Variants in SMOC1 observed in about 807,000 individuals in gnomAD.
SMOC1 encodes SPARC related modular calcium binding 1.
In SMOC1, 22 loss-of-function variants were observed where a neutral mutation model predicts 56.3. The ratio of observed to expected loss-of-function variants is 0.39; its 90% confidence interval spans 0.28 to 0.56. The LOEUF (loss-of-function observed/expected upper bound fraction) is 0.56, where lower values mean the gene tolerates loss of function less well. SMOC1 is among the 20% of genes least tolerant of loss of function. The probability of loss-of-function intolerance (pLI) is 0.61; values close to 1 mark genes in which losing one functional copy is unlikely to be tolerated. For missense variants in SMOC1, 509 were observed against 565.4 expected, an observed-to-expected ratio of 0.90 and a Z score of 1.01; for synonymous variants, 193 against 215.0, an observed-to-expected ratio of 0.90 and a Z score of 0.89.
chr14:69,980,299 C>T (rs548134760), intron 5 of SMOC1, among the ~76,000 whole-genome samples: 27 of 152,326 alleles, frequency 1.8e-4, no homozygotes, highest in African/African-American at 6.5e-4. Context: ...CAGCTCTTTA[C>T]TCCCTTGCCC....
chr14:70,006,186 T>A (rs1188484197), intron 7 of SMOC1, among the ~76,000 whole-genome samples: 1 of 152,214 alleles, frequency 6.6e-6, no homozygotes, highest in Non-Finnish European at 1.5e-5. Context: ...CCTAGTTCTG[T>A]GATCTTGATC....
chr14:69,957,420 C>T (rs763713405), intron 3 of SMOC1, among the ~76,000 whole-genome samples: 10 of 152,086 alleles, frequency 6.6e-5, no homozygotes, highest in Non-Finnish European at 1.0e-4. Context: ...ACTTGAGGTC[C>T]CTAAGCTTAA....
At chr14:69,971,691 C>T (rs547002227) in intron 3 of SMOC1, among the ~76,000 whole-genome samples, 8 of 152,260 alleles carry the variant, frequency 5.3e-5, no homozygotes, top group Admixed American at 3.3e-4. Flanking sequence ...GGAAGCTAAG[C>T]CAGGTAGAGT....
intron 1 of SMOC1, among the ~76,000 whole-genome samples, chr14:69,880,163 T>C (rs2139276642): frequency 6.7e-6 from 1 of 148,308 alleles, no homozygotes; most frequent in Admixed American, 6.6e-5. Context: ...GCTGGAGTTG[T>C]TGGCAGGCGG....
At chr14:69,922,411 G>T (rs1224564863) in intron 1 of SMOC1, among the ~76,000 whole-genome samples, 1 of 152,188 alleles carries the variant, frequency 6.6e-6, no homozygotes, top group Non-Finnish European at 1.5e-5. Context: ...AAGTGTTGGA[G>T]TGTGGCCCAA....
chr14:69,992,971 G>T (rs1197181739), intron 6 of SMOC1, among the ~76,000 whole-genome samples: 1 of 152,226 alleles, frequency 6.6e-6, no homozygotes, highest in Non-Finnish European at 1.5e-5. Context: ...TATTGTCATA[G>T]ACATTTATGG....
At chr14:69,906,500 A>T (rs758586381) in intron 1 of SMOC1, among the ~76,000 whole-genome samples, 3 of 152,158 alleles carry the variant, frequency 2.0e-5, no homozygotes, top group Non-Finnish European at 4.4e-5. Flanking sequence ...CGTAAATTCA[A>T]CCCTAGCCTT....
chr14:69,981,270 C>T (rs866959182), intron 5 of SMOC1, among the ~76,000 whole-genome samples: 1 of 151,948 alleles, frequency 6.6e-6, no homozygotes, highest in African/African-American at 2.4e-5. Flanking sequence ...TGCACGTGCT[C>T]CAGGAGGGGA....
chr14:69,918,344 T>C (rs1166091929), intron 1 of SMOC1, among the ~76,000 whole-genome samples: 1 of 152,068 alleles, frequency 6.6e-6, no homozygotes, highest in Non-Finnish European at 1.5e-5. Flanking sequence ...TCCTCCTGCC[T>C]CCACCTCTGA....
chr14:69,944,951 A>G (rs938615685), intron 1 of SMOC1, among the ~76,000 whole-genome samples: 2 of 152,218 alleles, frequency 1.3e-5, no homozygotes, highest in African/African-American at 4.8e-5. Flanking sequence ...TATCTAAGAG[A>G]TAGATGTTCC....
chr14:69,948,863 C>G (rs761423579), intron 1 of SMOC1, among the ~76,000 whole-genome samples: 1 of 152,202 alleles, frequency 6.6e-6, no homozygotes, highest in Non-Finnish European at 1.5e-5. Flanking sequence ...AGCTAGGCAA[C>G]GTTTCCAAGG....
intron 7 of SMOC1, among the ~76,000 whole-genome samples, chr14:70,001,759 T>C (rs1481511510): frequency 6.6e-6 from 1 of 152,188 alleles, no homozygotes; most frequent in Non-Finnish European, 1.5e-5. Flanking sequence ...TCACACACGA[T>C]TGCATTTAAT....
At chr14:69,937,151 G>GCCCTGCATT (rs1885316224) in intron 1 of SMOC1, among the ~76,000 whole-genome samples, 1 of 152,060 alleles carries the variant, frequency 6.6e-6, no homozygotes, top group Non-Finnish European at 1.5e-5. Context: ...TGCTTGGTGT[G>GCCCTGCATT]CCCTGCATTC....
intron 8 of SMOC1, 118 bp downstream of exon 8, chr14:70,011,064 T>C: frequency 1.7e-6 from 2 of 1,158,462 alleles, no homozygotes; most frequent in Non-Finnish European, 1.3e-6. Context: ...AGAGCCATGT[T>C]TTCAATGAGT....
intron 1 of SMOC1, among the ~76,000 whole-genome samples, chr14:69,902,765 C>T (rs932786058): frequency 3.9e-5 from 6 of 151,992 alleles, no homozygotes; most frequent in African/African-American, 9.7e-5. Flanking sequence ...TGCAGGCGCG[C>T]GCCGCCACGC....
intron 1 of SMOC1, among the ~76,000 whole-genome samples, chr14:69,945,284 G>A (rs1202205298): frequency 6.6e-6 from 1 of 152,204 alleles, no homozygotes. Flanking sequence ...ACACAGTGCA[G>A]CAGGAGTGCC....
chr14:69,978,011 G>C, intron 5 of SMOC1, 46 bp downstream of exon 5: 1 of 1,519,292 alleles, frequency 6.6e-7, no homozygotes, highest in Non-Finnish European at 9.1e-7. Context: ...TTCCAAAGGT[G>C]GTCCAAGCAG....
chr14:69,890,872 A>G (rs954611713), intron 1 of SMOC1, among the ~76,000 whole-genome samples: 1 of 152,242 alleles, frequency 6.6e-6, no homozygotes, highest in Admixed American at 6.5e-5. Flanking sequence ...GCTCTGGTAC[A>G]TACCCTGGAG....
At chr14:69,952,040 T>G (rs1426130170) in intron 1 of SMOC1, 98 bp from the exon 2 acceptor site, 2 of 1,412,262 alleles carry the variant, frequency 1.4e-6, no homozygotes, top group Non-Finnish European at 2.0e-6. Context: ...TATTAGGGAC[T>G]TACTTTCTAA....
Sources: gnomAD v4.1 joint callset for allele counts (sites outside exome capture counted in the v4.1 genomes callset) on GRCh38, gnomAD v4.1.1 for gene constraint, MANE v1.5 for transcripts, NCBI Gene and HGNC (gene_info 2026-07-23, HGNC 2026-07-21) for gene names.